Variants in TMEM178B observed in about 807,000 individuals in gnomAD.
TMEM178B encodes transmembrane protein 178B.
In TMEM178B, 5 loss-of-function variants were observed where a neutral mutation model predicts 31.0. The observed-to-expected ratio is 0.16, with a 90% confidence interval of 0.08 to 0.34. TMEM178B has a LOEUF of 0.34. Ranked by LOEUF, TMEM178B falls within the 10% of genes least tolerant of loss-of-function variation. The pLI is 1.00. For synonymous variants in TMEM178B, 164 were observed against 164.0 expected (o/e 1.00, Z 0.00); for missense variants, 275 against 400.3 (o/e 0.69, Z 2.67).
At chr7:141,215,113 A>C (rs1797110168) in intron 2 of TMEM178B, among the ~76,000 whole-genome samples, 1 of 152,104 alleles carries the variant, frequency 6.6e-6, no homozygotes. Flanking sequence ...TAATTTTTAG[A>C]GGTCAGATAT....
chr7:141,495,173 A>T, the TMEM178B span, among the ~76,000 whole-genome samples: 1 of 152,220 alleles, frequency 6.6e-6, no homozygotes, highest in Non-Finnish European at 1.5e-5. Flanking sequence ...TTCAGAGCAG[A>T]CATGGGGATT....
At chr7:141,267,484 C>T (rs560254654) in intron 2 of TMEM178B, among the ~76,000 whole-genome samples, 1 of 152,270 alleles carries the variant, frequency 6.6e-6, no homozygotes, top group Non-Finnish European at 1.5e-5. Flanking sequence ...ATTGTCGGCT[C>T]CCCTCAGCCT....
chr7:141,394,703 T>C (rs1323659456), intron 2 of TMEM178B, among the ~76,000 whole-genome samples: 1 of 152,218 alleles, frequency 6.6e-6, no homozygotes, highest in African/African-American at 2.4e-5. Context: ...TGTGGATCTA[T>C]GGTATTTTGA....
chr7:141,229,307 A>G (rs577686694), intron 2 of TMEM178B, among the ~76,000 whole-genome samples: 4 of 152,108 alleles, frequency 2.6e-5, no homozygotes, highest in African/African-American at 9.6e-5. Flanking sequence ...TCTTGAAAAG[A>G]GGGAGGAAAT....
At chr7:141,268,470 G>T (rs963619106) in intron 2 of TMEM178B, among the ~76,000 whole-genome samples, 2 of 152,198 alleles carry the variant, frequency 1.3e-5, no homozygotes. Context: ...AATTCATCTT[G>T]TTGATGCTGT....
chr7:141,385,850 A>C (rs1212778712), intron 2 of TMEM178B, among the ~76,000 whole-genome samples: 2 of 152,158 alleles, frequency 1.3e-5, no homozygotes, highest in African/African-American at 2.4e-5. Flanking sequence ...CACAGAAGAT[A>C]ACTTCTTCTC....
At chr7:141,253,544 C>CTTTTTTTTTTTTTTTTTTTTTTTT (rs34199017) in intron 2 of TMEM178B, among the ~76,000 whole-genome samples, 1 of 70,032 alleles carries the variant, frequency 1.4e-5, no homozygotes, top group Non-Finnish European at 2.5e-5. Flanking sequence ...ATTTTCCCTT[C>CTTTTTTTTTTTTTTTTTTTTTTTT]TTTTTTTTTT....
At chr7:141,503,637 A>G in the TMEM178B span, among the ~76,000 whole-genome samples, 1 of 152,230 alleles carries the variant, frequency 6.6e-6, no homozygotes, top group African/African-American at 2.4e-5. Context: ...CCATGAAAAA[A>G]TAGGCAAATT....
At chr7:141,161,916 A>C (rs1476094881) in intron 1 of TMEM178B, among the ~76,000 whole-genome samples, 2 of 149,834 alleles carry the variant, frequency 1.3e-5, no homozygotes, top group African/African-American at 5.0e-5. Context: ...GTGCAAGAGC[A>C]TGTGAGAATG....
intron 2 of TMEM178B, among the ~76,000 whole-genome samples, chr7:141,436,885 C>T (rs1174726126): frequency 2.6e-5 from 4 of 152,114 alleles, no homozygotes; most frequent in Admixed American, 2.0e-4. Context: ...ACTCAGAAAG[C>T]GGGGCTGACC....
At chr7:141,333,927 A>C (rs910836588) in intron 2 of TMEM178B, among the ~76,000 whole-genome samples, 3 of 152,178 alleles carry the variant, frequency 2.0e-5, no homozygotes, top group African/African-American at 7.2e-5. Flanking sequence ...CAGGAGGTAG[A>C]GCTCTGGCGG....
At chr7:141,449,501 G>A (rs909525806) in intron 3 of TMEM178B, among the ~76,000 whole-genome samples, 1 of 152,188 alleles carries the variant, frequency 6.6e-6, no homozygotes, top group African/African-American at 2.4e-5. Context: ...TGGCTGAGAT[G>A]TACTACAGGG....
intron 2 of TMEM178B, among the ~76,000 whole-genome samples, chr7:141,337,038 C>T (rs868470417): frequency 5.0e-5 from 4 of 80,112 alleles, no homozygotes; most frequent in Non-Finnish European, 9.5e-5. Flanking sequence ...ACCACCACCA[C>T]CACCACCACC....
At chr7:141,377,689 GA>G (rs988629143) in intron 2 of TMEM178B, among the ~76,000 whole-genome samples, 4 of 151,632 alleles carry the variant, frequency 2.6e-5, no homozygotes. Flanking sequence ...AGAAAAAAGG[GA>G]AAAAAAGAAA....
intron 2 of TMEM178B, among the ~76,000 whole-genome samples, chr7:141,282,047 T>C (rs1234165957): frequency 6.6e-6 from 1 of 152,204 alleles, no homozygotes; most frequent in Non-Finnish European, 1.5e-5. Flanking sequence ...TTGACAGCTA[T>C]GGCAGTGGTT....
intron 1 of TMEM178B, among the ~76,000 whole-genome samples, chr7:141,190,756 A>G (rs999284427): frequency 2.6e-5 from 4 of 152,326 alleles, no homozygotes; most frequent in Non-Finnish European, 2.9e-5. Flanking sequence ...GTTGGGGACC[A>G]TCTGTACAAG....
the TMEM178B span, among the ~76,000 whole-genome samples, chr7:141,492,493 A>G: frequency 2.6e-5 from 4 of 152,216 alleles, no homozygotes; most frequent in Non-Finnish European, 4.4e-5. Flanking sequence ...AGCCTAGCAC[A>G]ATGCCTGGCA....
At chr7:141,486,748 G>T in the TMEM178B span, among the ~76,000 whole-genome samples, 7 of 152,324 alleles carry the variant, frequency 4.6e-5, no homozygotes, top group African/African-American at 1.4e-4. Context: ...GGGTTATGGG[G>T]ATGGAGCATT....
chr7:141,242,477 AGT>A (rs66723569), intron 2 of TMEM178B, among the ~76,000 whole-genome samples: 10,817 of 140,214 alleles, frequency 0.077, 518 homozygotes, highest in East Asian at 0.19. Flanking sequence ...ACTTTGTGTG[AGT>A]GTGTGTGTGT....
Sources: allele counts gnomAD v4.1 joint callset (sites outside exome capture counted in the v4.1 genomes callset), GRCh38; gene constraint gnomAD v4.1.1; transcripts MANE v1.5; gene names NCBI Gene and HGNC (gene_info 2026-07-23, HGNC 2026-07-21).